Variants in KIF13B observed in about 807,000 individuals in gnomAD.
KIF13B encodes the protein kinesin family member 13B.
In KIF13B, 127 loss-of-function variants were observed where a neutral mutation model predicts 222.0. The observed-to-expected ratio is 0.57, with a 90% CI of 0.50 to 0.66. The LOEUF (loss-of-function observed/expected upper bound fraction) is 0.66, where lower values mean the gene tolerates loss of function less well. Ranked by LOEUF, KIF13B falls within the 30% of genes least tolerant of loss-of-function variation. KIF13B has a pLI of 0.00. For missense variants in KIF13B, 2,173 were observed against 2,379.0 expected (o/e 0.91, Z 1.80); for synonymous variants, 976 against 919.0 (o/e 1.06, Z -1.12).
chr8:29,095,536 G>A (rs953386958), intron 36 of KIF13B, among the ~76,000 whole-genome samples: 1 of 152,234 alleles, frequency 6.6e-6, no homozygotes, highest in Non-Finnish European at 1.5e-5. Flanking sequence ...GGAGGCCGAG[G>A]CGGGTGGATC....
At chr8:29,251,957 G>A (rs1586989795) in intron 1 of KIF13B, among the ~76,000 whole-genome samples, 1 of 150,256 alleles carries the variant, frequency 6.7e-6, no homozygotes, top group African/African-American at 2.5e-5. Flanking sequence ...AAGCTTTACA[G>A]TACTCAGAAC....
At chr8:29,253,543 G>A (rs1432786824) in intron 1 of KIF13B, among the ~76,000 whole-genome samples, 1 of 152,000 alleles carries the variant, frequency 6.6e-6, no homozygotes, top group African/African-American at 2.4e-5. Context: ...GCAACAGAAT[G>A]AGACTCCATC....
intron 14 of KIF13B, among the ~76,000 whole-genome samples, chr8:29,153,060 T>C (rs1442431243): frequency 6.6e-6 from 1 of 152,208 alleles, no homozygotes; most frequent in African/African-American, 2.4e-5. Flanking sequence ...CGTATGCCTG[T>C]ATAATAGATT....
At chr8:29,179,766 A>G (rs1262622184) in intron 8 of KIF13B, among the ~76,000 whole-genome samples, 1 of 152,206 alleles carries the variant, frequency 6.6e-6, no homozygotes, top group East Asian at 1.9e-4. Context: ...TGCTTCCTGG[A>G]TCACAGCTAT....
chr8:29,089,033 G>A (rs6558094), intron 37 of KIF13B, among the ~76,000 whole-genome samples: 88,198 of 152,042 alleles, frequency 0.58, 26,908 homozygotes, highest in Non-Finnish European at 0.69. Context: ...AGGAAAAGAA[G>A]GTTCTTAAAT....
chr8:29,115,733 C>A (rs150058103), intron 31 of KIF13B, among the ~76,000 whole-genome samples: 1 of 152,148 alleles, frequency 6.6e-6, no homozygotes, highest in East Asian at 1.9e-4. Flanking sequence ...ACAGGCAGGA[C>A]CCCCAGCACA....
chr8:29,073,258 T>TG (rs1316546371), intron 38 of KIF13B, among the ~76,000 whole-genome samples: 2 of 145,640 alleles, frequency 1.4e-5, no homozygotes, highest in Non-Finnish European at 3.0e-5. Flanking sequence ...TGTCAGGGGC[T>TG]GGGGGGGCCT....
intron 19 of KIF13B, among the ~76,000 whole-genome samples, chr8:29,141,593 T>C (rs1251580577): frequency 6.6e-6 from 1 of 152,224 alleles, no homozygotes; most frequent in Non-Finnish European, 1.5e-5. Flanking sequence ...ATACATAATA[T>C]GCACTTCTAT....
intron 2 of KIF13B, among the ~76,000 whole-genome samples, chr8:29,207,367 C>T (rs1227291514): frequency 6.6e-6 from 1 of 152,148 alleles, no homozygotes; most frequent in Non-Finnish European, 1.5e-5. Context: ...TTCCAATTCC[C>T]TTGGGTCTTC....
At chr8:29,152,056 T>C (rs1471715594) in intron 14 of KIF13B, among the ~76,000 whole-genome samples, 1 of 152,152 alleles carries the variant, frequency 6.6e-6, no homozygotes, top group Non-Finnish European at 1.5e-5. Context: ...ATGGATGCCT[T>C]CGGGGGGTTC....
At chr8:29,075,537 A>C (rs1239097131) in intron 37 of KIF13B, among the ~76,000 whole-genome samples, 194 bp from the exon 38 acceptor site, 1 of 148,216 alleles carries the variant, frequency 6.7e-6, no homozygotes, top group Non-Finnish European at 1.5e-5. Flanking sequence ...CCAGGGAAAC[A>C]GGCCACATGC....
intron 1 of KIF13B, among the ~76,000 whole-genome samples, chr8:29,258,113 T>C (rs1246985702): frequency 1.3e-5 from 2 of 152,198 alleles, no homozygotes; most frequent in Non-Finnish European, 2.9e-5. Flanking sequence ...GTGATCTCTC[T>C]GAGAATACTG....
intron 2 of KIF13B, among the ~76,000 whole-genome samples, chr8:29,240,343 C>T (rs1259880495): frequency 2.0e-5 from 3 of 146,830 alleles, no homozygotes; most frequent in South Asian, 4.2e-4. Context: ...AAAAAAAAGC[C>T]GCTTTCACGT....
chr8:29,154,793 A>G (rs1811444769), intron 14 of KIF13B, among the ~76,000 whole-genome samples: 1 of 152,200 alleles, frequency 6.6e-6, no homozygotes, highest in Non-Finnish European at 1.5e-5. Flanking sequence ...ATTAGAGAAC[A>G]GCACAACACA....
At chr8:29,089,584 A>G (rs1457351596) in intron 37 of KIF13B, among the ~76,000 whole-genome samples, 1 of 152,110 alleles carries the variant, frequency 6.6e-6, no homozygotes. Context: ...AAACCAAACA[A>G]TAACTCCCGA....
rs375988969 is a variant in KIF13B, at chr8:29,116,894, G to A, written c.3774C>T (p.Ser1258=). ...ACACCAGTTGCATGTCAGCAGGGTG[G>A]CTGAGCTGGACCGTCACGCGCACGA... ...FLIVRVTVQL[S]HPADMQLVLR... Residue 1258 remains serine (S), a synonymous_variant, in exon 31 of 40, where the codon AGC becomes AGT. Transcript: ENST00000524189. 103 of 1,613,478 alleles carry A rather than the reference G, an allele frequency of 6.4e-5. No individual in the cohort carries two copies. Among genetic ancestry groups the A allele is most frequent in the Middle Eastern group, 4.9e-4 (3 of 6,080 alleles).
At chr8:29,177,696 T>G in intron 8 of KIF13B, 118 bp from the exon 9 acceptor site, 30 of 718,576 alleles carry the variant, frequency 4.2e-5, no homozygotes, top group Non-Finnish European at 6.3e-5. Flanking sequence ...GAGCCCAGGA[T>G]TTCAAAAACA....
chr8:29,186,732 G>A (rs1476917022), intron 5 of KIF13B, among the ~76,000 whole-genome samples: 1 of 152,070 alleles, frequency 6.6e-6, no homozygotes, highest in African/African-American at 2.4e-5. Flanking sequence ...GCTGAGGTGG[G>A]CAGATTGCCT....
intron 6 of KIF13B, among the ~76,000 whole-genome samples, chr8:29,185,777 C>T (rs1387759666): frequency 2.0e-5 from 3 of 152,214 alleles, no homozygotes; most frequent in African/African-American, 4.8e-5. Flanking sequence ...TGGTCATTAT[C>T]TCCATCTTTC....
Sources: allele counts gnomAD v4.1 joint callset (sites outside exome capture counted in the v4.1 genomes callset), GRCh38; gene constraint gnomAD v4.1.1; transcripts MANE v1.5; gene names NCBI Gene and HGNC (gene_info 2026-07-23, HGNC 2026-07-21).